PDPR: variants seen among roughly 807,000 people sequenced by gnomAD.
PDPR encodes pyruvate dehydrogenase phosphatase regulatory subunit, mitochondrial.
Under a neutral mutation model 102.2 loss-of-function variants are expected in PDPR, and 50 were observed. The observed-to-expected ratio is 0.49, with a 90% confidence interval of 0.39 to 0.62. The LOEUF (loss-of-function observed/expected upper bound fraction) is 0.62, where lower values mean the gene tolerates loss of function less well. Ranked by LOEUF, PDPR falls within the 20% of genes least tolerant of loss-of-function variation. The pLI, the probability that PDPR is intolerant of heterozygous loss-of-function variation, is 0.00. For synonymous variants in PDPR, 259 were observed against 406.0 expected, an observed-to-expected ratio of 0.64 and a Z score of 4.35; for missense variants, 625 against 1,098.2, an observed-to-expected ratio of 0.57 and a Z score of 6.09.
intron 18 of PDPR, among the ~76,000 whole-genome samples, chr16:70,154,572 C>T (rs1052093624): frequency 6.6e-6 from 1 of 152,268 alleles, no homozygotes; most frequent in African/African-American, 2.4e-5. Context: ...TATGGTGATG[C>T]ATTAACATGC....
intron 11 of PDPR, among the ~76,000 whole-genome samples, chr16:70,140,270 A>T (rs1965572144): frequency 1.3e-5 from 2 of 152,142 alleles, no homozygotes; most frequent in Admixed American, 6.5e-5. Context: ...GAGCTGGGGA[A>T]GTTGAGGCTG....
rs988531415 is a variant in PDPR, at chr16:70,159,553, T to C, written c.*2674T>C. On this transcript the variant is annotated 3_prime_UTR_variant, in exon 19 of 19. Coordinates refer to ENST00000288050, the MANE Select transcript of PDPR (RefSeq NM_017990.5). ...CATTCAAATACAAGCTGTGTGAGTC[T>C]GGTGGTTTTCTGTGATTGGTCTAAT... 5 of 152,722 alleles carry C rather than the reference T, an allele frequency of 3.3e-5. No homozygotes were observed. The highest frequency in any genetic ancestry group is 2.1e-4 in the South Asian group (1 of 4,838). 9.5% of individuals were successfully genotyped at this position (152,722 alleles called of 1,614,324 possible). A position where few individuals can be genotyped will look rare whatever the true frequency, so the allele number is the denominator to read the frequency against.
intron 3 of PDPR, 79 bp downstream of exon 3, chr16:70,120,798 C>T (rs1377685597): frequency 5.5e-6 from 5 of 905,308 alleles, no homozygotes; most frequent in Non-Finnish European, 1.8e-6. Context: ...GAGATACTGC[C>T]CCACCAGTAG....
intron 11 of PDPR, among the ~76,000 whole-genome samples, chr16:70,140,364 C>A (rs1965585082): frequency 6.6e-6 from 1 of 152,258 alleles, no homozygotes; most frequent in African/African-American, 2.4e-5. Flanking sequence ...AATACAAAAT[C>A]AAAGTTTTTT....
At chr16:70,125,302 G>A (rs772150426) in intron 3 of PDPR, among the ~76,000 whole-genome samples, 13 of 152,242 alleles carry the variant, frequency 8.5e-5, no homozygotes, top group Non-Finnish European at 1.8e-4. Flanking sequence ...CTTGAACCTG[G>A]GAGGTGGAGG....
intron 4 of PDPR, among the ~76,000 whole-genome samples, chr16:70,128,555 C>T (rs1349500776): frequency 3.3e-5 from 5 of 152,250 alleles, no homozygotes; most frequent in African/African-American, 1.2e-4. Flanking sequence ...CTCACAACCT[C>T]ACAAAACTGT....
At chr16:70,120,245 T>C (rs1383133681) in intron 2 of PDPR, 21 of 427,952 alleles carry the variant, frequency 4.9e-5, no homozygotes, top group Non-Finnish European at 8.8e-5. Flanking sequence ...AGAGACGGGG[T>C]TTCACTGTGT....
chr16:70,114,604 C>T (rs1344926964), intron 1 of PDPR, among the ~76,000 whole-genome samples, 164 bp downstream of exon 1: 4 of 152,228 alleles, frequency 2.6e-5, no homozygotes, highest in African/African-American at 9.6e-5. Context: ...AAGTCGCGTC[C>T]GGGCGCCAGT....
In PDPR at chr16:70,130,563, T is replaced by C. The variant is rs1488112678; in HGVS notation, c.729+19T>C. On this transcript the variant is annotated intron_variant, in intron 7 of 18. Transcript: ENST00000288050. ...TGGCCAGGTAGGTCAGCACCAACAC[T>C]GCTGTTCTTATTTAACGTTTGTCTC... 3 of 1,612,614 alleles carry C rather than the reference T, an allele frequency of 1.9e-6. No homozygotes were observed. Among genetic ancestry groups the C allele is most frequent in the Middle Eastern group, 1.7e-4 (1 of 6,052 alleles).
intron 17 of PDPR, among the ~76,000 whole-genome samples, chr16:70,150,911 A>G (rs1966683106): frequency 6.6e-6 from 1 of 152,238 alleles, no homozygotes; most frequent in Admixed American, 6.5e-5. Flanking sequence ...TCCTGAGTAG[A>G]TAGGACCACA....
At position 70,162,426 on chromosome 16, in the gene PDPR, G is replaced by A. The variant is rs1261629100; in HGVS notation, c.*5547G>A. The A allele has an allele frequency of 1.3e-5, 2 of 152,438 alleles. No individual in the cohort carries two copies. Among genetic ancestry groups the A allele is most frequent in the African/African-American group, 4.8e-5 (2 of 41,484 alleles). The allele number at this position is 152,438 out of a possible 1,614,324, so 9.4% of individuals were successfully genotyped here. A position where few individuals can be genotyped will look rare whatever the true frequency, so the allele number is the denominator to read the frequency against. On this transcript the variant is annotated 3_prime_UTR_variant, in exon 19 of 19. Coordinates refer to ENST00000288050, the MANE Select transcript of PDPR (RefSeq NM_017990.5). ...AGGGTGACCGAGCATTTCTGCCCCT[G>A]TGAATGTGGCACTAACACTGTGCAC... is the stretch of plus-strand genomic sequence containing the variant.
At chr16:70,123,250 T>A (rs1963536946) in intron 3 of PDPR, among the ~76,000 whole-genome samples, 1 of 152,222 alleles carries the variant, frequency 6.6e-6, no homozygotes. Context: ...TTTGTTAATG[T>A]TTTTGAGACA....
At chr16:70,119,980 G>T (rs536436158) in intron 2 of PDPR, among the ~76,000 whole-genome samples, 1 of 151,114 alleles carries the variant, frequency 6.6e-6, no homozygotes, top group Non-Finnish European at 1.5e-5. Flanking sequence ...GCGGTGGCGC[G>T]ATCTCTGCTC....
In PDPR at chr16:70,159,456, GT is replaced by G. The variant is rs1311792142; in HGVS notation, c.*2580del. ...GTGTTGATCTTCTAGGACATCACTT[GT>G]TTATTCAGTGCCCCAAACACAGATT... On this transcript the variant is annotated 3_prime_UTR_variant, in exon 19 of 19. Coordinates refer to ENST00000288050, the MANE Select transcript of PDPR (RefSeq NM_017990.5). 1 of 152,640 alleles carries G rather than the reference GT, an allele frequency of 6.6e-6. No homozygotes were observed. Among genetic ancestry groups the G allele is most frequent in the Non-Finnish European group, 1.5e-5 (1 of 68,306 alleles). The allele number at this position is 152,640 out of a possible 1,614,324, so 9.5% of individuals were successfully genotyped here.
chr16:70,159,426 A>G lies in PDPR; in HGVS notation c.*2547A>G, dbSNP rs1967563698. 6.6e-6 allele frequency: 1 copy of G among 152,560 alleles called. No homozygotes were observed. The highest frequency in any genetic ancestry group is 2.4e-5 in the African/African-American group (1 of 41,480). 9.5% of individuals were successfully genotyped at this position (152,560 alleles called of 1,614,324 possible). On this transcript the variant is annotated 3_prime_UTR_variant, in exon 19 of 19. Transcript: ENST00000288050. ...GAATAGGGTCATACTCCTAAGACTG[A>G]TGGGGTGTTGATCTTCTAGGACATC...
intron 10 of PDPR, among the ~76,000 whole-genome samples, chr16:70,137,835 TA>T (rs1470295015): frequency 6.6e-6 from 1 of 152,256 alleles, no homozygotes; most frequent in Admixed American, 6.5e-5. Context: ...ATTTAGAGTA[TA>T]TTTGTATGTG....
intron 2 of PDPR, among the ~76,000 whole-genome samples, chr16:70,119,921 TTTG>T (rs1175897148): frequency 6.8e-6 from 1 of 146,670 alleles, no homozygotes; most frequent in Non-Finnish European, 1.5e-5. Context: ...TGTTTGTTTG[TTTG>T]TTTTTTTTTT....
chr16:70,137,831 A>C (rs1187389166), intron 10 of PDPR, among the ~76,000 whole-genome samples: 5 of 152,252 alleles, frequency 3.3e-5, no homozygotes, highest in Non-Finnish European at 7.3e-5. Flanking sequence ...GGATATTTAG[A>C]GTATATTTGT....
intron 11 of PDPR, among the ~76,000 whole-genome samples, chr16:70,141,282 G>A (rs1263430180): frequency 6.6e-6 from 1 of 152,238 alleles, no homozygotes; most frequent in Non-Finnish European, 1.5e-5. Context: ...TTGAACTCCT[G>A]ACCTCGTGAT....
Sources: gnomAD v4.1 joint callset for allele counts (sites outside exome capture counted in the v4.1 genomes callset) on GRCh38, gnomAD v4.1.1 for gene constraint, MANE v1.5 for transcripts, NCBI Gene and HGNC (gene_info 2026-07-23, HGNC 2026-07-21) for gene names.